The following NBPF4 variants were observed in gnomAD, a reference collection of about 807,000 sequenced individuals.
NBPF4 encodes NBPF family member NBPF4.
Under a neutral mutation model 21.1 loss-of-function variants are expected in NBPF4, and 11 were observed. The ratio of observed to expected loss-of-function variants is 0.52; its 90% CI spans 0.33 to 0.86. The LOEUF (loss-of-function observed/expected upper bound fraction) is 0.86, where lower values mean the gene tolerates loss of function less well. Ranked by LOEUF, NBPF4 falls within the 40% of genes least tolerant of loss-of-function variation. NBPF4 has a pLI of 0.03. For synonymous variants in NBPF4, 47 were observed against 106.4 expected, an observed-to-expected ratio of 0.44 and a Z score of 3.43; for missense variants, 88 against 265.3, an observed-to-expected ratio of 0.33 and a Z score of 4.64.
chr1:108,226,583 G>A, intron 14 of NBPF4, 96 bp downstream of exon 14: 3 of 1,038,676 alleles, frequency 2.9e-6, no homozygotes, highest in South Asian at 1.7e-5. Context: ...CTGTTGGAGA[G>A]AACAAATGGG....
rs1354158433 is a variant in NBPF4 at position 108,228,973 on chromosome 1, G to A, written c.1607C>T (p.Thr536Ile). 24 of 1,534,994 alleles carry A rather than the reference G, an allele frequency of 1.6e-5. 1 individual carries two copies. The highest frequency in any genetic ancestry group is 1.9e-5 in the Non-Finnish European group (21 of 1,133,870). ...NGLAQRGLSS[T>I]TCSFSANADS... ...AGCATTGGCTGAGAAGCTGCAGGTG[G>A]TGGAGGAAAGGCCCCGCTGGGCCAA... The change falls in exon 13 of 15, where the codon ACC becomes ATC. Residue 536 changes from threonine (T) to isoleucine (I), a missense_variant. Thr to Ile is a moderately conservative substitution (Grantham distance 89). Around this residue, in one of 4 missense-constraint regions of NBPF4, gnomAD observed 60 missense variants for 86.5 expected, o/e 0.69. Coordinates refer to ENST00000415641, the MANE Select transcript of NBPF4 (RefSeq NM_001143989.3).
rs1649353816 is a variant in NBPF4, at chr1:108,222,993, G to C, written c.*712C>G. Among the ~76,000 whole-genome samples the C allele has an allele frequency of 6.6e-6, 1 of 152,046 alleles. No homozygotes were observed. The highest frequency in any genetic ancestry group is 1.5e-5 in the Non-Finnish European group (1 of 68,026). On this transcript the variant is annotated 3_prime_UTR_variant, in exon 15 of 15. Coordinates refer to ENST00000415641, the MANE Select transcript of NBPF4 (RefSeq NM_001143989.3). Reference sequence around the variant, plus strand: ...CAGCATGGACTCTGCAGAGTTCCTGGCAAAATGTTTAGGCTGAATTTAATC... The same window carrying C: ...CAGCATGGACTCTGCAGAGTTCCTGCCAAAATGTTTAGGCTGAATTTAATC...
rs2259312 is a variant in NBPF4 at position 108,223,724 on chromosome 1, G to C, written c.1898C>G (p.Thr633Arg). ...ATTCTTTCATCCTGCCATCCTTTGC[G>C]TCCTTCCAGCAGTATTTGGTATCTG... ...SAEIPNTAGRTQRMAG is the reference protein window; with the variant it reads ...SAEIPNTAGRRQRMAG The change falls in exon 15 of 15, where the codon ACG (threonine) becomes AGG (arginine). Residue 633 changes from threonine (T) to arginine (R), a missense_variant. Thr to Arg is a moderately conservative substitution (Grantham distance 71). Around this residue, in one of 4 missense-constraint regions of NBPF4, gnomAD observed 17 missense variants for 20.7 expected, o/e 0.82. Coordinates refer to ENST00000415641, the MANE Select transcript of NBPF4 (RefSeq NM_001143989.3). 6.4e-7 allele frequency: 1 copy of C among 1,560,680 alleles called. No homozygotes were observed. Among genetic ancestry groups the C allele is most frequent in the Admixed American group, 1.9e-5 (1 of 52,084 alleles).
chr1:108,244,014 CA>C lies in NBPF4; in HGVS notation c.-152del. ...GCACTGCCTGTAGCTCCGACTCTGA[CA>C]AGAGTGAGGGAGGTAGCAGCCAGCG... On this transcript the variant is annotated 5_prime_UTR_variant, in exon 1 of 15. Coordinates refer to ENST00000415641, the MANE Select transcript of NBPF4 (RefSeq NM_001143989.3). 1 of 535,944 alleles carries C rather than the reference CA, an allele frequency of 1.9e-6. No individual in the cohort carries two copies. Among genetic ancestry groups the C allele is most frequent in the Non-Finnish European group, 2.7e-6 (1 of 368,100 alleles). 33.2% of individuals were successfully genotyped at this position (535,944 alleles called of 1,614,324 possible). A position where few individuals can be genotyped will look rare whatever the true frequency, so the allele number is the denominator to read the frequency against.
At chr1:108,227,016 G>GA (rs1649501300) in intron 13 of NBPF4, 123 bp from the exon 14 acceptor site, 1 of 268,800 alleles carries the variant, frequency 3.7e-6, no homozygotes, top group Non-Finnish European at 6.1e-6. Context: ...AAAGGGTGAG[G>GA]GGAAGCCGAT....
chr1:108,226,562 G>A, intron 14 of NBPF4, 117 bp downstream of exon 14: 1 of 805,760 alleles, frequency 1.2e-6, no homozygotes, highest in East Asian at 2.7e-5. Flanking sequence ...ACCAGACAGA[G>A]GTTAGAGCAG....
At position 108,229,170 on chromosome 1, in the gene NBPF4, G is replaced by A; in HGVS notation, c.1424-14C>T. 2 of 1,511,642 alleles carry A rather than the reference G, an allele frequency of 1.3e-6. No individual in the cohort carries two copies. The highest frequency in any genetic ancestry group is 2.0e-5 in the Admixed American group (1 of 50,522). The allele number at this position is 1,511,642 out of a possible 1,614,324, so 93.6% of individuals were successfully genotyped here. ...CCTCGGTGGGGGCTGAAAGGAGAAG[G>A]GGCTTCAGTAGGAACAATCTCAGTT... is the stretch of plus-strand genomic sequence containing the variant. On this transcript the variant is annotated splice_polypyrimidine_tract_variant and intron_variant, in intron 12 of 14. Coordinates refer to ENST00000415641, the MANE Select transcript of NBPF4 (RefSeq NM_001143989.3).
chr1:108,252,458 T>A, the NBPF4 span, among the ~76,000 whole-genome samples: 20 of 43,420 alleles, frequency 4.6e-4, no homozygotes, highest in Middle Eastern at 8.6e-3. Flanking sequence ...TAGGGTAGAG[T>A]CCTTCCTCCT....
At chr1:108,264,265 A>C in the NBPF4 span, among the ~76,000 whole-genome samples, 1 of 150,274 alleles carries the variant, frequency 6.7e-6, no homozygotes, top group Non-Finnish European at 1.5e-5. Flanking sequence ...AAAAAACTTT[A>C]AACCAACAAA....
chr1:108,252,915 A>G, the NBPF4 span, among the ~76,000 whole-genome samples: 23 of 45,388 alleles, frequency 5.1e-4, no homozygotes, highest in African/African-American at 2.3e-3. Flanking sequence ...TCTAACTTCT[A>G]CAAGAATGCC....
chr1:108,264,010 T>C, the NBPF4 span, among the ~76,000 whole-genome samples: 1 of 109,508 alleles, frequency 9.1e-6, no homozygotes, highest in Non-Finnish European at 1.8e-5. Context: ...AGTATCATGA[T>C]GACAGGTTCA....
upstream of NBPF4, among the ~76,000 whole-genome samples, chr1:108,247,831 CTTT>C (rs61276485): frequency 7.0e-5 from 6 of 85,178 alleles, no homozygotes; most frequent in South Asian, 5.1e-4. Context: ...GTGTGAGATG[CTTT>C]TTTTTTTTTT....
chr1:108,266,049 TA>T, the NBPF4 span, among the ~76,000 whole-genome samples: 69 of 90,458 alleles, frequency 7.6e-4, no homozygotes, highest in Non-Finnish European at 8.8e-4. Context: ...AATAATAATT[TA>T]AAAAAAAAAG....
the NBPF4 span, among the ~76,000 whole-genome samples, chr1:108,266,229 A>G: frequency 1.4e-3 from 208 of 144,906 alleles, no homozygotes; most frequent in African/African-American, 5.0e-3. Context: ...TCAAATAAAC[A>G]CAATCAGAAA....
chr1:108,244,951 C>G (rs868695801), upstream of NBPF4, among the ~76,000 whole-genome samples: 5 of 28,726 alleles, frequency 1.7e-4, no homozygotes, highest in African/African-American at 6.4e-4. Context: ...TATATATACA[C>G]ACACATATAG....
the NBPF4 span, among the ~76,000 whole-genome samples, chr1:108,250,449 TTAA>T: frequency 6.6e-6 from 1 of 152,136 alleles, no homozygotes; most frequent in Non-Finnish European, 1.5e-5. Flanking sequence ...TTCAATCTTA[TTAA>T]TGTTACCTGT....
At chr1:108,259,744 T>G in the NBPF4 span, among the ~76,000 whole-genome samples, 1 of 151,348 alleles carries the variant, frequency 6.6e-6, no homozygotes, top group Non-Finnish European at 1.5e-5. Context: ...ATTTGCCACT[T>G]TTATTAACAT....
At chr1:108,224,570 A>T (rs1011604543) in intron 14 of NBPF4, among the ~76,000 whole-genome samples, 2 of 144,074 alleles carry the variant, frequency 1.4e-5, no homozygotes, top group Non-Finnish European at 3.0e-5. Context: ...AAGGGAGTTT[A>T]AAAAAAGAGA....
intron 13 of NBPF4, among the ~76,000 whole-genome samples, chr1:108,228,558 A>C (rs1442953027): frequency 1.3e-5 from 2 of 152,002 alleles, no homozygotes; most frequent in African/African-American, 2.4e-5. Flanking sequence ...GAAAGATAAA[A>C]GGATTAGATA....
Sources: gnomAD v4.1 joint callset for allele counts (sites outside exome capture counted in the v4.1 genomes callset) on GRCh38, gnomAD v4.1.1 for gene constraint, gnomAD v4.1.1 regional missense constraint, MANE v1.5 for transcripts, NCBI Gene and HGNC (gene_info 2026-07-23, HGNC 2026-07-21) for gene names.